The following AGBL4 variants were observed in gnomAD, a reference collection of about 807,000 sequenced individuals.
The protein encoded by AGBL4 is cytosolic carboxypeptidase 6.
A neutral mutation model predicts 66.4 loss-of-function variants in AGBL4; 58 were observed. That is an observed-to-expected ratio of 0.87 (90% CI 0.71 to 1.09). The LOEUF is 1.09. AGBL4 is among the 50% of genes least tolerant of loss of function. The pLI, the probability that AGBL4 is intolerant of heterozygous loss-of-function variation, is 0.00. For synonymous variants in AGBL4, 234 were observed against 222.9 expected (o/e 1.05, Z -0.44); for missense variants, 579 against 631.0 (o/e 0.92, Z 0.88).
chr1:48,968,107 C>T (rs1353350191), intron 5 of AGBL4, among the ~76,000 whole-genome samples: 1 of 149,936 alleles, frequency 6.7e-6, no homozygotes, highest in Non-Finnish European at 1.5e-5. Context: ...TCAGAGAGAA[C>T]AGGAACTACC....
intron 3 of AGBL4, among the ~76,000 whole-genome samples, chr1:49,413,537 C>T (rs77587580): frequency 0.028 from 4,187 of 152,198 alleles, 166 homozygotes; most frequent in African/African-American, 0.095. Context: ...GGGTGAAGCC[C>T]AAGTTGCAAA....
intron 5 of AGBL4, among the ~76,000 whole-genome samples, chr1:49,031,013 G>T (rs1464433542): frequency 3.3e-5 from 2 of 59,964 alleles, no homozygotes; most frequent in African/African-American, 6.1e-5. Context: ...ATAAATCTTG[G>T]TGGTCTGTTG....
intron 3 of AGBL4, among the ~76,000 whole-genome samples, chr1:49,417,436 A>G (rs993809326): frequency 6.6e-6 from 1 of 152,136 alleles, no homozygotes; most frequent in African/African-American, 2.4e-5. Context: ...ACAAATCAAA[A>G]TTCCCTCAAC....
chr1:49,783,564 C>A (rs761191619), intron 2 of AGBL4, among the ~76,000 whole-genome samples: 1 of 152,070 alleles, frequency 6.6e-6, no homozygotes, highest in Non-Finnish European at 1.5e-5. Flanking sequence ...TAGTGAAAGA[C>A]GGCTACTTTT....
At chr1:48,767,512 G>T (rs1372661326) in intron 6 of AGBL4, among the ~76,000 whole-genome samples, 2 of 152,192 alleles carry the variant, frequency 1.3e-5, no homozygotes, top group Non-Finnish European at 2.9e-5. Context: ...ACAGAACACA[G>T]GGTGACAAGA....
intron 4 of AGBL4, among the ~76,000 whole-genome samples, chr1:49,190,237 T>C (rs1007664435): frequency 4.6e-5 from 7 of 152,198 alleles, no homozygotes; most frequent in Non-Finnish European, 8.8e-5. Flanking sequence ...TAAGCAGGGC[T>C]ACAAAAGGCC....
intron 4 of AGBL4, among the ~76,000 whole-genome samples, chr1:49,168,473 A>C (rs1174987140): frequency 6.6e-6 from 1 of 152,156 alleles, no homozygotes; most frequent in East Asian, 1.9e-4. Context: ...CACCAACCAC[A>C]GTCTTGGAGG....
chr1:49,310,476 G>A (rs1212795952), intron 3 of AGBL4, among the ~76,000 whole-genome samples: 2 of 152,034 alleles, frequency 1.3e-5, no homozygotes, highest in Admixed American at 6.6e-5. Context: ...AATGAAACAA[G>A]TAAGAACTTA....
chr1:48,542,863 T>C (rs551627320), intron 11 of AGBL4, among the ~76,000 whole-genome samples: 1 of 152,344 alleles, frequency 6.6e-6, no homozygotes, highest in South Asian at 2.1e-4. Flanking sequence ...TTTGTCAACT[T>C]TGGCTTTTGT....
Position 49,243,807 on chromosome 1 carries a change from T to C in AGBL4, c.377+1963A>G, listed in dbSNP as rs551622746. Among the ~76,000 whole-genome samples, 103 of 151,870 alleles carry C rather than the reference T, an allele frequency of 6.8e-4. 1 individual carries two copies. The highest frequency in any genetic ancestry group is 9.9e-4 in the Admixed American group (15 of 15,206). On this transcript the variant is annotated intron_variant, in intron 4 of 13. Transcript: ENST00000371839. ...ATGGTAAGGTAAAAAATAGGAGATA[T>C]TACGTATACAGTGTGATGTGCTATG...
chr1:48,653,794 G>A (rs1645972993), intron 7 of AGBL4, among the ~76,000 whole-genome samples: 1 of 152,110 alleles, frequency 6.6e-6, no homozygotes, highest in South Asian at 2.1e-4. Flanking sequence ...GATGGGGAGA[G>A]GTGGGCTAGC....
At chr1:49,259,627 C>A in intron 3 of AGBL4, among the ~76,000 whole-genome samples, 1 of 128,390 alleles carries the variant, frequency 7.8e-6, no homozygotes, top group African/African-American at 3.0e-5. Context: ...TATATATGCA[C>A]CCAATACAGG....
chr1:48,751,270 A>C (rs1186747425), intron 6 of AGBL4, among the ~76,000 whole-genome samples: 1 of 152,194 alleles, frequency 6.6e-6, no homozygotes, highest in Non-Finnish European at 1.5e-5. Flanking sequence ...GGAAATATTC[A>C]TCTAAAAGCT....
intron 6 of AGBL4, among the ~76,000 whole-genome samples, chr1:48,795,892 G>A (rs113249560): frequency 0.011 from 1,640 of 152,312 alleles, 27 homozygotes; most frequent in African/African-American, 0.037. Context: ...GAACTCAGGT[G>A]ATCCACCCGC....
chr1:48,763,461 G>C (rs980871522), intron 6 of AGBL4, among the ~76,000 whole-genome samples: 9 of 151,938 alleles, frequency 5.9e-5, no homozygotes, highest in African/African-American at 2.2e-4. Context: ...ATCTTGCAAT[G>C]GTGTTTTTTT....
At chr1:48,640,816 G>C (rs1178997828) in intron 8 of AGBL4, among the ~76,000 whole-genome samples, 4 of 152,152 alleles carry the variant, frequency 2.6e-5, no homozygotes, top group Non-Finnish European at 5.9e-5. Context: ...AGATATAATG[G>C]TTCCAGAGAA....
intron 2 of AGBL4, among the ~76,000 whole-genome samples, chr1:49,742,241 T>G (rs1650566615): frequency 6.7e-6 from 1 of 150,232 alleles, no homozygotes; most frequent in South Asian, 2.1e-4. Context: ...ATCACAAGCA[T>G]TCTTATACAC....
intron 3 of AGBL4, among the ~76,000 whole-genome samples, chr1:49,331,075 C>T (rs1000683204): frequency 6.6e-6 from 1 of 152,066 alleles, no homozygotes; most frequent in Non-Finnish European, 1.5e-5. Flanking sequence ...GAGATTCCCT[C>T]GTGAACCCAC....
intron 4 of AGBL4, among the ~76,000 whole-genome samples, chr1:49,115,236 T>A (rs900607535): frequency 6.6e-6 from 1 of 152,232 alleles, no homozygotes; most frequent in Non-Finnish European, 1.5e-5. Flanking sequence ...ATAACTCTTC[T>A]GATTTTACAG....
Sources: gnomAD v4.1 joint callset for allele counts (sites outside exome capture counted in the v4.1 genomes callset) on GRCh38, gnomAD v4.1.1 for gene constraint, MANE v1.5 for transcripts, NCBI Gene and HGNC (gene_info 2026-07-23, HGNC 2026-07-21) for gene names.